Variants in FRMD5 observed in about 807,000 individuals in gnomAD.
FRMD5 encodes FERM domain containing 5.
FRMD5 carries 20 observed loss-of-function variants against 69.0 expected under a neutral mutation model. The observed-to-expected ratio is 0.29, with a 90% CI of 0.20 to 0.42. FRMD5 has a LOEUF of 0.42. Ranked by LOEUF, FRMD5 falls within the 10% of genes least tolerant of loss-of-function variation. FRMD5 has a pLI of 1.00. For synonymous variants in FRMD5, 271 were observed against 260.1 expected (o/e 1.04, Z -0.40); for missense variants, 595 against 708.6 (o/e 0.84, Z 1.82).
intron 1 of FRMD5, among the ~76,000 whole-genome samples, chr15:44,027,435 C>G (rs1274773779): frequency 1.3e-5 from 2 of 152,154 alleles, no homozygotes; most frequent in Non-Finnish European, 2.9e-5. Context: ...GCTGCAGTAA[C>G]AACCCCAAAT....
chr15:44,194,725 G>T, intron 1 of FRMD5: 1 of 636,536 alleles, frequency 1.6e-6, no homozygotes, highest in Non-Finnish European at 2.8e-6. Flanking sequence ...TAGGGGTGTG[G>T]GACGCGGAGA....
At chr15:43,953,531 T>C (rs2090069511) in intron 1 of FRMD5, among the ~76,000 whole-genome samples, 1 of 152,212 alleles carries the variant, frequency 6.6e-6, no homozygotes, top group Non-Finnish European at 1.5e-5. Flanking sequence ...ATGGCCTACA[T>C]TGTAGACATT....
At chr15:43,934,986 G>A (rs1376501284) in intron 1 of FRMD5, among the ~76,000 whole-genome samples, 11 of 152,234 alleles carry the variant, frequency 7.2e-5, no homozygotes, top group Admixed American at 6.5e-4. Flanking sequence ...TGACAGAGAT[G>A]GAAAGGGGCT....
chr15:44,168,617 A>G (rs532606716), intron 1 of FRMD5, among the ~76,000 whole-genome samples: 64 of 152,314 alleles, frequency 4.2e-4, no homozygotes, highest in African/African-American at 1.4e-3. Flanking sequence ...TGAAAATAAT[A>G]AACTGTATCT....
chr15:43,971,321 A>G (rs775699914), intron 1 of FRMD5, among the ~76,000 whole-genome samples: 7 of 152,272 alleles, frequency 4.6e-5, no homozygotes, highest in Non-Finnish European at 8.8e-5. Flanking sequence ...TCATTTTAAA[A>G]TATTTGTTTT....
intron 7 of FRMD5, among the ~76,000 whole-genome samples, chr15:43,899,948 A>G (rs142949802): frequency 1.3e-5 from 2 of 148,786 alleles, no homozygotes; most frequent in Non-Finnish European, 3.0e-5. Flanking sequence ...GCTCGGGCTC[A>G]CTGTCTGCCC....
chr15:44,183,593 T>C (rs774092551), intron 1 of FRMD5, among the ~76,000 whole-genome samples: 2 of 152,152 alleles, frequency 1.3e-5, no homozygotes, highest in African/African-American at 2.4e-5. Flanking sequence ...TCATTGATTG[T>C]TGAATATTTT....
Position 44,117,746 on chromosome 15 carries a change from G to A in FRMD5, c.102+77207C>T, listed in dbSNP as rs376645232. Among the ~76,000 whole-genome samples, 32 of 152,304 alleles carry A rather than the reference G, an allele frequency of 2.1e-4. 1 individual carries two copies. The highest frequency in any genetic ancestry group is 7.7e-4 in the African/African-American group (32 of 41,558). ...CTAAGGCCTTAGAGAGGCCAGAGGA[G>A]GTTGAAGGGAAAGTGATATAAATAC... On this transcript the variant is annotated intron_variant, in intron 1 of 13. Transcript: ENST00000417257.
intron 1 of FRMD5, among the ~76,000 whole-genome samples, chr15:44,166,172 G>T (rs2077705422): frequency 6.6e-6 from 1 of 152,062 alleles, no homozygotes; most frequent in Admixed American, 6.5e-5. Context: ...TTACTAGTGA[G>T]GTTGAAATAA....
intron 4 of FRMD5, among the ~76,000 whole-genome samples, chr15:43,911,373 A>G (rs2089284757): frequency 6.6e-6 from 1 of 152,172 alleles, no homozygotes; most frequent in African/African-American, 2.4e-5. Context: ...TGGATCACTC[A>G]TTCTTCTTGA....
At chr15:43,910,005 A>G (rs1474431764) in intron 4 of FRMD5, 26 bp from the exon 5 acceptor site, 2 of 1,310,800 alleles carry the variant, frequency 1.5e-6, no homozygotes, top group Non-Finnish European at 2.2e-6. Flanking sequence ...AGAATAAACT[A>G]TAAAGGATTT....
chr15:44,070,482 G>A (rs1893494775), intron 1 of FRMD5, among the ~76,000 whole-genome samples: 1 of 152,072 alleles, frequency 6.6e-6, no homozygotes, highest in Non-Finnish European at 1.5e-5. Context: ...TTAGAGATCT[G>A]CAGCTATAGC....
chr15:43,927,253 G>A (rs1397563655), intron 1 of FRMD5, among the ~76,000 whole-genome samples: 2 of 152,192 alleles, frequency 1.3e-5, no homozygotes, highest in African/African-American at 4.8e-5. Context: ...CAGGTGGGGT[G>A]GAGGTCTCAC....
At chr15:44,171,637 T>C (rs1316169371) in intron 1 of FRMD5, among the ~76,000 whole-genome samples, 1 of 152,228 alleles carries the variant, frequency 6.6e-6, no homozygotes, top group Non-Finnish European at 1.5e-5. Flanking sequence ...AGGTTGGGAA[T>C]TGAACTCAAC....
chr15:44,086,170 C>G (rs1894189320), intron 1 of FRMD5, among the ~76,000 whole-genome samples: 1 of 152,044 alleles, frequency 6.6e-6, no homozygotes. Context: ...CCTCAATAAA[C>G]TAAACATAGA....
chr15:43,945,553 G>A (rs1463931878), intron 1 of FRMD5, among the ~76,000 whole-genome samples: 1 of 152,092 alleles, frequency 6.6e-6, no homozygotes, highest in Non-Finnish European at 1.5e-5. Flanking sequence ...GGGTACCTGA[G>A]CCTGTTATAT....
chr15:44,018,783 A>G (rs1489349594), intron 1 of FRMD5, among the ~76,000 whole-genome samples: 7 of 152,164 alleles, frequency 4.6e-5, no homozygotes, highest in Non-Finnish European at 1.0e-4. Context: ...CTTGTCCTCC[A>G]TGTTTTGGTC....
chr15:43,897,584 T>G (rs1354330512), intron 7 of FRMD5, among the ~76,000 whole-genome samples: 1 of 151,480 alleles, frequency 6.6e-6, no homozygotes, highest in Non-Finnish European at 1.5e-5. Context: ...GGCTGGATTA[T>G]GAAAGTAATG....
chr15:44,017,614 CTT>C (rs34121302), intron 1 of FRMD5, among the ~76,000 whole-genome samples: 26 of 135,214 alleles, frequency 1.9e-4, no homozygotes, highest in Non-Finnish European at 1.8e-4. Context: ...CCAAATATTT[CTT>C]TTTTTTTTTT....
Sources: gnomAD v4.1 joint callset for allele counts (sites outside exome capture counted in the v4.1 genomes callset) on GRCh38, gnomAD v4.1.1 for gene constraint, MANE v1.5 for transcripts, NCBI Gene and HGNC (gene_info 2026-07-23, HGNC 2026-07-21) for gene names.